Variants in S100A12 observed in about 807,000 individuals in gnomAD.
The protein encoded by S100A12 is S100 calcium binding protein A12.
Under a neutral mutation model 4.0 loss-of-function variants are expected in S100A12, and 3 were observed. The ratio of observed to expected loss-of-function variants is 0.75; its 90% CI spans 0.34 to 1.94. The LOEUF (loss-of-function observed/expected upper bound fraction) is 1.94, where lower values mean the gene tolerates loss of function less well. S100A12 is among the 30% of genes most tolerant of loss of function. The pLI is 0.07. For synonymous variants in S100A12, 50 were observed against 41.4 expected (o/e 1.21, Z -0.79); for missense variants, 122 against 107.0 (o/e 1.14, Z -0.62).
In S100A12 at chr1:153,374,526, C is replaced by G; in HGVS notation, c.67G>C (p.Gly23Arg). 1 of 1,613,902 alleles carries G rather than the reference C, an allele frequency of 6.2e-7. No individual in the cohort carries two copies. Among genetic ancestry groups the G allele is most frequent in the Non-Finnish European group, 8.5e-7 (1 of 1,179,776 alleles). ...CCCTTAGAGAGGGTGTCAAAATGCC[C>G]CTTCCGAACTGAGTATTGGTGGAAG... ...NIFHQYSVRK[G>R]HFDTLSKGEL... The change falls in exon 2 of 3, where the codon GGG becomes CGG. Residue 23 changes from glycine to arginine, a missense_variant. Transcript: ENST00000368737.
At chr1:153,374,640 G>A (rs774056491) in intron 1 of S100A12, 28 bp from the exon 2 acceptor site, 4 of 1,560,454 alleles carry the variant, frequency 2.6e-6, no homozygotes, top group Admixed American at 1.7e-5. Context: ...AAGTCTAGAG[G>A]CAGTTTCTCC....
In S100A12 at chr1:153,373,806, A is replaced by G; in HGVS notation, c.*21T>C. ...ACCCTCATTGAGGACATTGCTGGGT[A>G]AAAAGCCTTCAGAGAGCTACCTACT... is the stretch of plus-strand genomic sequence containing the variant. On this transcript the variant is annotated 3_prime_UTR_variant, in exon 3 of 3. Transcript: ENST00000368737. 6.2e-7 allele frequency: 1 copy of G among 1,608,958 alleles called. No individual in the cohort carries two copies.
intron 2 of S100A12, 160 bp from the exon 3 acceptor site, chr1:153,374,127 C>T (rs1661679610): frequency 1.3e-6 from 1 of 783,264 alleles, no homozygotes; most frequent in African/African-American, 1.7e-5. Context: ...ACAGAGAACA[C>T]AATGGTCATG....
In S100A12 at chr1:153,373,949, C is replaced by T. The variant is rs769270300; in HGVS notation, c.157G>A (p.Val53Ile). The T allele has an allele frequency of 3.1e-6, 5 of 1,613,588 alleles. No individual in the cohort carries two copies. Among genetic ancestry groups the T allele is most frequent in the African/African-American group, 2.7e-5 (2 of 75,032 alleles). Residue 53 changes from valine (V) to isoleucine (I), a missense_variant, in exon 3 of 3, where the codon GTC (valine) becomes ATC (isoleucine). Transcript: ENST00000368737. Reference protein sequence around the residue: ...NTIKNIKDKAVIDEIFQGLDA... With the variant: ...NTIKNIKDKAIIDEIFQGLDA... ...AGGCCTTGGAATATTTCATCAATGA[C>T]AGCTTTATCTTTGATATTCTAGGAA... is the stretch of plus-strand genomic sequence containing the variant.
intron 2 of S100A12, 90 bp downstream of exon 2, chr1:153,374,365 A>C (rs933810736): frequency 7.3e-7 from 1 of 1,363,036 alleles, no homozygotes; most frequent in Non-Finnish European, 1.0e-6. Context: ...ACCCCACCCC[A>C]GTCCTTGTCC....
intron 1 of S100A12, among the ~76,000 whole-genome samples, chr1:153,375,020 G>T (rs917873155): frequency 6.6e-6 from 1 of 151,836 alleles, no homozygotes; most frequent in African/African-American, 2.4e-5. Flanking sequence ...TTCTTTTTTT[G>T]TTGTTGTTGT....
chr1:153,375,576 C>A lies in S100A12; in HGVS notation c.-45G>T, dbSNP rs946286230. ...CCCCTCAATGCACAGGAATGTGGAG[C>A]TACAGCAAAAAGCCAGCAGTGGTGA... is the stretch of plus-strand genomic sequence containing the variant. On this transcript the variant is annotated 5_prime_UTR_variant, in exon 1 of 3. Transcript: ENST00000368737. 6.6e-6 allele frequency: 1 copy of A among 152,370 alleles called. No homozygotes were observed. Among genetic ancestry groups the A allele is most frequent in the African/African-American group, 2.4e-5 (1 of 41,458 alleles). The allele number at this position is 152,370 out of a possible 1,614,324, so 9.4% of individuals were successfully genotyped here. A position where few individuals can be genotyped will look rare whatever the true frequency, so the allele number is the denominator to read the frequency against.
chr1:153,375,290 C>T (rs1255205681), intron 1 of S100A12, among the ~76,000 whole-genome samples: 4 of 152,186 alleles, frequency 2.6e-5, no homozygotes, highest in Non-Finnish European at 4.4e-5. Flanking sequence ...CCTCATGATC[C>T]GCCCGCCTCG....
At position 153,373,787 on chromosome 1, in the gene S100A12, A is replaced by G. The variant is rs4772; in HGVS notation, c.*40T>C. 0.11 allele frequency: 171,019 copies of G among 1,577,288 alleles called. 9,497 individuals are homozygous for G. Among genetic ancestry groups the G allele is most frequent in the Non-Finnish European group, 0.11 (129,212 of 1,147,502 alleles). ...TTGGTGAGGGAAAGAAAAGACCCTC[A>G]TTGAGGACATTGCTGGGTAAAAAGC... is the stretch of plus-strand genomic sequence containing the variant. On this transcript the variant is annotated 3_prime_UTR_variant, in exon 3 of 3. Coordinates refer to ENST00000368737, the MANE Select transcript of S100A12 (RefSeq NM_005621.2).
chr1:153,374,437 G>T lies in S100A12; in HGVS notation c.138+18C>A. 2 of 1,607,694 alleles carry T rather than the reference G, an allele frequency of 1.2e-6. No homozygotes were observed. The highest frequency in any genetic ancestry group is 1.1e-5 in the South Asian group (1 of 90,142). ...GCAGGGTCATGGGCAAGTTTGCAGT[G>T]AGAGGGGCATCACCTACCTTGATGG... On this transcript the variant is annotated intron_variant, in intron 2 of 2. Transcript: ENST00000368737.
intron 2 of S100A12, 127 bp from the exon 3 acceptor site, chr1:153,374,094 G>C (rs1344353293): frequency 4.5e-6 from 4 of 884,220 alleles, no homozygotes; most frequent in Non-Finnish European, 7.6e-6. Flanking sequence ...CCAACACTGT[G>C]TTGGAGAATC....
At chr1:153,374,743 C>G (rs544375427) in intron 1 of S100A12, 131 bp from the exon 2 acceptor site, 2 of 647,782 alleles carry the variant, frequency 3.1e-6, no homozygotes, top group East Asian at 2.6e-5. Context: ...GGTCTCTGCT[C>G]TGTTTGATCC....
At position 153,373,937 on chromosome 1, in the gene S100A12, T is replaced by G. The variant is rs756893464; in HGVS notation, c.169A>C (p.Ile57Leu). 6.2e-7 allele frequency: 1 copy of G among 1,613,548 alleles called. No homozygotes were observed. Among genetic ancestry groups the G allele is most frequent in the Non-Finnish European group, 8.5e-7 (1 of 1,179,576 alleles). Residue 57 changes from isoleucine to leucine, a missense_variant, in exon 3 of 3, where the codon ATA becomes CTA. Transcript: ENST00000368737. Reference protein sequence around the residue: ...NIKDKAVIDEIFQGLDANQDE... With the variant: ...NIKDKAVIDELFQGLDANQDE... ...TGATTAGCATCCAGGCCTTGGAATA[T>G]TTCATCAATGACAGCTTTATCTTTG...
chr1:153,374,579 T>G lies in S100A12; in HGVS notation c.14A>C (p.Glu5Ala). The change falls in exon 2 of 3, where the codon GAA becomes GCA. Residue 5 changes from glutamate to alanine, a missense_variant. Physicochemically the swap from Glu to Ala is moderately radical, Grantham distance 107 (BLOSUM62 -1). Coordinates refer to ENST00000368737, the MANE Select transcript of S100A12 (RefSeq NM_005621.2). MTKL[E>A]EHLEGIVNIF... ...ATTGACAATTCCCTCCAGATGCTCT[T>G]CAAGTTTTGTCATCTTCCCAGCCTA... The G allele has an allele frequency of 6.2e-7, 1 of 1,613,778 alleles. No homozygotes were observed. Among genetic ancestry groups the G allele is most frequent in the Non-Finnish European group, 8.5e-7 (1 of 1,179,806 alleles).
In S100A12 at chr1:153,373,864, G is replaced by A. The variant is rs141106646; in HGVS notation, c.242C>T (p.Ala81Val). 9 of 1,612,726 alleles carry A rather than the reference G, an allele frequency of 5.6e-6. No individual in the cohort carries two copies. The highest frequency in any genetic ancestry group is 3.3e-5 in the South Asian group (3 of 91,048). ...GGTGTGGTAATGGGCAGCCTTCAGCGCAATGGCTACCAGGGATATGAATTC... is the reference window on the plus strand; with the variant it reads ...GGTGTGGTAATGGGCAGCCTTCAGCACAATGGCTACCAGGGATATGAATTC... ...FQEFISLVAIALKAAHYHTHK... is the reference protein window; with the variant it reads ...FQEFISLVAIVLKAAHYHTHK... The change falls in exon 3 of 3, where the codon GCG (alanine) becomes GTG (valine). Residue 81 changes from alanine (A) to valine (V), a missense_variant. Coordinates refer to ENST00000368737, the MANE Select transcript of S100A12 (RefSeq NM_005621.2).
intron 1 of S100A12, 29 bp from the exon 2 acceptor site, chr1:153,374,641 C>T (rs375552242): frequency 2.9e-5 from 45 of 1,541,774 alleles, no homozygotes; most frequent in Non-Finnish European, 3.6e-5. Flanking sequence ...AGTCTAGAGG[C>T]AGTTTCTCCC....
chr1:153,374,655 C>T, intron 1 of S100A12, 43 bp from the exon 2 acceptor site: 3 of 1,351,918 alleles, frequency 2.2e-6, no homozygotes, highest in South Asian at 1.2e-5. Context: ...TTCTCCCCCA[C>T]CCCTCAACCT....
chr1:153,374,442 G>A lies in S100A12; in HGVS notation c.138+13C>T. ...GTCATGGGCAAGTTTGCAGTGAGAG[G>A]GGCATCACCTACCTTGATGGTGTTT... is the stretch of plus-strand genomic sequence containing the variant. On this transcript the variant is annotated intron_variant, in intron 2 of 2. Coordinates refer to ENST00000368737, the MANE Select transcript of S100A12 (RefSeq NM_005621.2). The A allele has an allele frequency of 1.2e-6, 2 of 1,609,186 alleles. No homozygotes were observed. The highest frequency in any genetic ancestry group is 1.7e-6 in the Non-Finnish European group (2 of 1,177,592).
intron 2 of S100A12, 66 bp downstream of exon 2, chr1:153,374,389 C>A: frequency 6.6e-7 from 1 of 1,521,022 alleles, no homozygotes; most frequent in African/African-American, 1.4e-5. Flanking sequence ...CATCCTCTGC[C>A]AGGCCTTGCC....
Sources: allele counts gnomAD v4.1 joint callset (sites outside exome capture counted in the v4.1 genomes callset), GRCh38; gene constraint gnomAD v4.1.1; transcripts MANE v1.5; gene names NCBI Gene and HGNC (gene_info 2026-07-23, HGNC 2026-07-21).